The following MGST1 variants were observed in gnomAD, a reference collection of about 807,000 sequenced individuals.
The protein encoded by MGST1 is glutathione S-transferase 12.
MGST1 carries 5 observed loss-of-function variants against 8.9 expected under a neutral mutation model. The ratio of observed to expected loss-of-function variants is 0.56; its 90% confidence interval spans 0.29 to 1.19. The LOEUF (loss-of-function observed/expected upper bound fraction) is 1.19, where lower values mean the gene tolerates loss of function less well. Among genes scored for constraint, MGST1 ranks in the 50% most tolerant of loss-of-function variants. The pLI is 0.08. For missense variants in MGST1, 182 were observed against 187.4 expected (o/e 0.97, Z 0.17); for synonymous variants, 54 against 67.8 (o/e 0.80, Z 1.00).
At chr12:16,409,070 G>A (rs1313820392) in intron 1 of MGST1, among the ~76,000 whole-genome samples, 1 of 151,888 alleles carries the variant, frequency 6.6e-6, no homozygotes, top group Non-Finnish European at 1.5e-5. Context: ...AAATCTGTTG[G>A]GGATCAGTAT....
chr12:16,385,607 T>C (rs1940497823), intron 1 of MGST1, among the ~76,000 whole-genome samples: 1 of 152,128 alleles, frequency 6.6e-6, no homozygotes, highest in Admixed American at 6.5e-5. Flanking sequence ...TTTCAAACAA[T>C]GATAATCTGA....
At chr12:16,494,354 A>G (rs1311496619) in intron 4 of MGST1, among the ~76,000 whole-genome samples, 1 of 152,134 alleles carries the variant, frequency 6.6e-6, no homozygotes, top group Non-Finnish European at 1.5e-5. Context: ...CAGAGGATTT[A>G]TGCTTTGAAA....
chr12:16,422,547 A>G (rs1940847991), intron 1 of MGST1, among the ~76,000 whole-genome samples: 1 of 152,120 alleles, frequency 6.6e-6, no homozygotes, highest in South Asian at 2.1e-4. Flanking sequence ...GTAGCTGACA[A>G]TGGGGCCTGG....
At chr12:16,424,008 T>C (rs1007433119) in intron 1 of MGST1, among the ~76,000 whole-genome samples, 1 of 152,210 alleles carries the variant, frequency 6.6e-6, no homozygotes, top group African/African-American at 2.4e-5. Context: ...CAGAGTACAT[T>C]TATAGTCAAT....
chr12:16,438,591 C>G (rs577693739), exon 2 of MGST1: 28 of 151,972 alleles, frequency 1.8e-4, no homozygotes, highest in African/African-American at 5.5e-4. Context: ...TATTTAAATT[C>G]TGTTGTAATT....
At chr12:16,454,902 A>AAAAAAAAAAAAAG (rs1555104768) in intron 4 of MGST1, among the ~76,000 whole-genome samples, 8 of 125,986 alleles carry the variant, frequency 6.3e-5, no homozygotes, top group African/African-American at 2.6e-4. Flanking sequence ...AAAAAAAAAA[A>AAAAAAAAAAAAAG]AAGGAGATGG....
At chr12:16,375,249 G>A (rs750136498) in intron 3 of MGST1, among the ~76,000 whole-genome samples, 1 of 151,908 alleles carries the variant, frequency 6.6e-6, no homozygotes, top group Admixed American at 6.6e-5. Flanking sequence ...AACTATAGAG[G>A]GAAGGAGGCA....
At position 16,587,368 on chromosome 12, in the gene MGST1, C is replaced by T. The variant is rs1591815245; in HGVS notation, n.483-2160C>T. 1.3e-5 allele frequency among the ~76,000 whole-genome samples: 2 copies of T among 152,124 alleles called. No individual in the cohort carries two copies. Among genetic ancestry groups the T allele is most frequent in the South Asian group, 4.1e-4 (2 of 4,824 alleles). On this transcript the variant is annotated intron_variant and non_coding_transcript_variant, in intron 4 of 4. Transcript: ENST00000538857. The surrounding 1 kb of genome is among the most constrained non-coding windows in gnomAD (Gnocchi z 4.3). ...TAAAAATTCCAAAGCATTCTTAAAA[C>T]GTTTCACTTAAACATTTCTGCAATA...
intron 1 of MGST1, among the ~76,000 whole-genome samples, chr12:16,411,954 C>T (rs187813600): frequency 1.2e-4 from 19 of 152,136 alleles, no homozygotes; most frequent in African/African-American, 3.9e-4. Flanking sequence ...ATAATACCAA[C>T]CTCATAAGGT....
chr12:16,580,904 C>G (rs1036373006), intron 4 of MGST1, among the ~76,000 whole-genome samples: 29 of 152,108 alleles, frequency 1.9e-4, no homozygotes, highest in African/African-American at 7.0e-4. Flanking sequence ...TGTTTTAAAT[C>G]TATTATGAAT....
At chr12:16,447,282 A>C (rs1326042164) in intron 4 of MGST1, among the ~76,000 whole-genome samples, 1 of 151,920 alleles carries the variant, frequency 6.6e-6, no homozygotes, top group Non-Finnish European at 1.5e-5. Context: ...TATGCTGGCT[A>C]ATCATTGAAG....
chr12:16,573,869 C>G (rs1248926055), intron 4 of MGST1: 1 of 152,288 alleles, frequency 6.6e-6, no homozygotes, highest in African/African-American at 2.4e-5. Context: ...AAATCACCGT[C>G]TGGAGGCCAC....
chr12:16,396,190 A>G (rs1940603994), intron 1 of MGST1, among the ~76,000 whole-genome samples: 1 of 152,070 alleles, frequency 6.6e-6, no homozygotes, highest in African/African-American at 2.4e-5. Context: ...CATTTCCCTG[A>G]TCATCTCAAT....
chr12:16,405,634 C>A (rs529068925), intron 1 of MGST1, among the ~76,000 whole-genome samples: 4 of 152,128 alleles, frequency 2.6e-5, no homozygotes, highest in Non-Finnish European at 5.9e-5. Context: ...ACGCCAATAT[C>A]CTTGATGAAC....
chr12:16,446,782 T>C (rs2137108667), intron 4 of MGST1, among the ~76,000 whole-genome samples: 1 of 151,958 alleles, frequency 6.6e-6, no homozygotes, highest in East Asian at 2.0e-4. Flanking sequence ...CTGAACTTCT[T>C]GTTGATTCTG....
At chr12:16,397,903 C>T (rs1240553286) in intron 1 of MGST1, among the ~76,000 whole-genome samples, 1 of 149,874 alleles carries the variant, frequency 6.7e-6, no homozygotes, top group Non-Finnish European at 1.5e-5. Flanking sequence ...TATTTAGTTC[C>T]AAACATACAC....
chr12:16,522,947 A>G (rs1364013879), intron 4 of MGST1, among the ~76,000 whole-genome samples: 1 of 152,088 alleles, frequency 6.6e-6, no homozygotes, highest in Non-Finnish European at 1.5e-5. Context: ...ATTGTATTAA[A>G]TGTTAGTCAT....
chr12:16,499,368 A>G (rs2137165710), intron 4 of MGST1, among the ~76,000 whole-genome samples: 1 of 152,290 alleles, frequency 6.6e-6, no homozygotes, highest in East Asian at 1.9e-4. Context: ...CCTTTTAGAT[A>G]ACTTTTGAGG....
At chr12:16,384,190 A>G (rs914019436) in intron 1 of MGST1, among the ~76,000 whole-genome samples, 2 of 152,146 alleles carry the variant, frequency 1.3e-5, no homozygotes, top group African/African-American at 4.8e-5. Context: ...TAGGCACCCT[A>G]TTGAAGGATA....
Sources: gnomAD v4.1 joint callset for allele counts (sites outside exome capture counted in the v4.1 genomes callset) on GRCh38, gnomAD v4.1.1 for gene constraint, Gnocchi (gnomAD v3.1) non-coding constraint, MANE v1.5 for transcripts, NCBI Gene and HGNC (gene_info 2026-07-23, HGNC 2026-07-21) for gene names.